Variants in DNM2 observed in about 807,000 individuals in gnomAD.
DNM2 encodes the protein dynamin-2.
Under a neutral mutation model 99.0 loss-of-function variants are expected in DNM2, and 15 were observed. The observed-to-expected ratio is 0.15, with a 90% confidence interval of 0.10 to 0.23. The LOEUF is 0.23. Among genes scored for constraint, DNM2 ranks in the 10% least tolerant of loss-of-function variants. The pLI is 1.00. For synonymous variants in DNM2, 525 were observed against 481.2 expected (o/e 1.09, Z -1.19); for missense variants, 742 against 1,189.4 (o/e 0.62, Z 5.53).
In DNM2 at chr19:10,812,818, C is replaced by T. The variant is rs940357527; in HGVS notation, c.1671+441C>T. 3.9e-5 allele frequency among the ~76,000 whole-genome samples: 6 copies of T among 152,104 alleles called. No individual in the cohort carries two copies. The highest frequency in any genetic ancestry group is 8.8e-5 in the Non-Finnish European group (6 of 68,006). On this transcript the variant is annotated intron_variant, in intron 15 of 20. Coordinates refer to ENST00000389253, the MANE Select transcript of DNM2 (RefSeq NM_001005361.3). This position sits in a 1 kb window ranked among gnomAD's most constrained non-coding sequence, Gnocchi z 4.0. ...AACAAACAAACAAACAAAAAACAAC[C>T]GTAACCCAGGGCTGGAGAGCAGCCA...
intron 15 of DNM2, among the ~76,000 whole-genome samples, chr19:10,813,313 A>G (rs1288153242): frequency 6.6e-6 from 1 of 152,234 alleles, no homozygotes; most frequent in Non-Finnish European, 1.5e-5. Flanking sequence ...GATACTGCCA[A>G]CCGGCCTCTG....
rs761023896 is a variant in DNM2 at position 10,786,701 on chromosome 19, G to A, written c.987G>A (p.Leu329=). Residue 329 remains leucine, a synonymous_variant, in exon 7 of 21, where the codon CTG becomes CTA. Coordinates refer to ENST00000389253, the MANE Select transcript of DNM2 (RefSeq NM_001005361.3). ...PDDPTRKTKA[L]LQMVQQFGVD... ...ACCCCACCCGCAAAACCAAAGCCCT[G>A]CTGCAGTATGTACCCCGGCACCCAC... 6.2e-6 allele frequency: 10 copies of A among 1,614,058 alleles called. No individual in the cohort carries two copies. The highest frequency in any genetic ancestry group is 8.5e-6 in the Non-Finnish European group (10 of 1,180,020).
At position 10,796,727 on chromosome 19, in the gene DNM2, G is replaced by A. The variant is rs1187001235; in HGVS notation, c.1197-653G>A. Among the ~76,000 whole-genome samples, 1 of 152,088 alleles carries A rather than the reference G, an allele frequency of 6.6e-6. No homozygotes were observed. The highest frequency in any genetic ancestry group is 2.4e-5 in the African/African-American group (1 of 41,410). On this transcript the variant is annotated intron_variant, in intron 9 of 20. Coordinates refer to ENST00000389253, the MANE Select transcript of DNM2 (RefSeq NM_001005361.3). The surrounding 1 kb of genome is among the most constrained non-coding windows in gnomAD (Gnocchi z 5.6). ...CCCCTGCCCACCCCCTGCACCCCACGCTGTCCCCCAGGGGCAGCCCATTTT... is the reference window on the plus strand; with the variant it reads ...CCCCTGCCCACCCCCTGCACCCCACACTGTCCCCCAGGGGCAGCCCATTTT...
In DNM2 at chr19:10,811,921, T is replaced by TG. The variant is rs746348936; in HGVS notation, c.1558-342dup. 1.8e-5 allele frequency: 8 copies of TG among 456,316 alleles called. No individual in the cohort carries two copies. Among genetic ancestry groups the TG allele is most frequent in the South Asian group, 1.2e-4 (8 of 64,276 alleles). The allele number at this position is 456,316 out of a possible 1,614,324, so 28.3% of individuals were successfully genotyped here. A position where few individuals can be genotyped will look rare whatever the true frequency, so the allele number is the denominator to read the frequency against. On this transcript the variant is annotated intron_variant, in intron 14 of 20. Coordinates refer to ENST00000389253, the MANE Select transcript of DNM2 (RefSeq NM_001005361.3). The surrounding 1 kb of genome is among the most constrained non-coding windows in gnomAD (Gnocchi z 5.4). ...TGGAACCTTATCTCACGCAAACAAGTGCAGTTCCTCAGATGTCACATTTCA... is the reference window on the plus strand; with the variant it reads ...TGGAACCTTATCTCACGCAAACAAGTGGCAGTTCCTCAGATGTCACATTTCA...
chr19:10,745,240 C>T (rs1168487942), intron 1 of DNM2, among the ~76,000 whole-genome samples: 3 of 152,218 alleles, frequency 2.0e-5, no homozygotes, highest in Non-Finnish European at 2.9e-5. Context: ...GCTCCCCGGA[C>T]TAGCTCCCAA....
rs1489153779 is a variant in DNM2 at position 10,820,951 on chromosome 19, G to A, written c.1781+862G>A. Among the ~76,000 whole-genome samples, 1 of 152,160 alleles carries A rather than the reference G, an allele frequency of 6.6e-6. No individual in the cohort carries two copies. Among genetic ancestry groups the A allele is most frequent in the Non-Finnish European group, 1.5e-5 (1 of 68,032 alleles). ...CAGGAAGAAACCCAGCTGGCAGGAG[G>A]GCTCTTCCCATGCTCACACAATCAC... On this transcript the variant is annotated intron_variant, in intron 16 of 20. Coordinates refer to ENST00000389253, the MANE Select transcript of DNM2 (RefSeq NM_001005361.3). The surrounding 1 kb of genome is among the most constrained non-coding windows in gnomAD (Gnocchi z 4.3).
In DNM2 at chr19:10,818,381, T is replaced by C. The variant is rs2072845359; in HGVS notation, c.1672-1599T>C. Among the ~76,000 whole-genome samples the C allele has an allele frequency of 6.6e-6, 1 of 152,196 alleles. No homozygotes were observed. The highest frequency in any genetic ancestry group is 1.5e-5 in the Non-Finnish European group (1 of 68,036). ...AGCAACCAAAGAAAATCCCGGGTGC[T>C]CATGGGCACCAGCTCTGCAGTGGGC... On this transcript the variant is annotated intron_variant, in intron 15 of 20. Coordinates refer to ENST00000389253, the MANE Select transcript of DNM2 (RefSeq NM_001005361.3). The surrounding 1 kb of genome is among the most constrained non-coding windows in gnomAD (Gnocchi z 4.3).
chr19:10,821,641 C>T (rs947420913), intron 16 of DNM2, among the ~76,000 whole-genome samples: 6 of 152,190 alleles, frequency 3.9e-5, no homozygotes, highest in Non-Finnish European at 8.8e-5. Context: ...AAGCGATTCT[C>T]CTGCCTCAGC....
intron 7 of DNM2, among the ~76,000 whole-genome samples, chr19:10,787,929 C>CAAA (rs879391415): frequency 2.1e-5 from 3 of 141,836 alleles, no homozygotes; most frequent in African/African-American, 7.8e-5. Context: ...ACTCCGTCTC[C>CAAA]AAAAAAAAAA....
intron 2 of DNM2, among the ~76,000 whole-genome samples, chr19:10,770,581 G>A (rs111952503): frequency 6.6e-6 from 1 of 152,068 alleles, no homozygotes; most frequent in Non-Finnish European, 1.5e-5. Context: ...TTTGAGACCG[G>A]GCAATTTACA....
At chr19:10,786,513 C>G (rs2071564722) in intron 6 of DNM2, 51 bp from the exon 7 acceptor site, 1 of 1,612,380 alleles carries the variant, frequency 6.2e-7, no homozygotes, top group African/African-American at 1.3e-5. Context: ...CTGCCACTCC[C>G]TGGTATCCTG....
intron 1 of DNM2, among the ~76,000 whole-genome samples, chr19:10,758,355 C>T (rs868037927): frequency 8.8e-6 from 1 of 114,112 alleles, no homozygotes; most frequent in Non-Finnish European, 1.8e-5. Flanking sequence ...CCTTCCCTCC[C>T]TCCTTCCTTC....
intron 19 of DNM2, 105 bp downstream of exon 19, chr19:10,829,373 G>C: frequency 7.1e-7 from 1 of 1,412,886 alleles, no homozygotes; most frequent in South Asian, 1.2e-5. Flanking sequence ...CAGCCCAAGG[G>C]TGGCACCCAG....
chr19:10,732,068 C>T (rs1003721459), intron 1 of DNM2, among the ~76,000 whole-genome samples: 1 of 151,180 alleles, frequency 6.6e-6, no homozygotes, highest in African/African-American at 2.4e-5. Context: ...GATTCTTCTG[C>T]CTCAGCCTCC....
chr19:10,827,612 C>T (rs1330417649), intron 18 of DNM2, among the ~76,000 whole-genome samples: 1 of 151,924 alleles, frequency 6.6e-6, no homozygotes, highest in African/African-American at 2.4e-5. Flanking sequence ...TGGCTCATGC[C>T]TGTAATCCCA....
At chr19:10,719,277 C>T (rs995540724) in intron 1 of DNM2, among the ~76,000 whole-genome samples, 5 of 152,102 alleles carry the variant, frequency 3.3e-5, no homozygotes, top group African/African-American at 1.2e-4. Flanking sequence ...GAGGTTTGGA[C>T]CCTACTTCCC....
In DNM2 at chr19:10,830,419, C is replaced by G. The variant is rs753937980; in HGVS notation, c.2543+41C>G. 2 of 1,594,608 alleles carry G rather than the reference C, an allele frequency of 1.3e-6. No homozygotes were observed. The highest frequency in any genetic ancestry group is 2.7e-5 in the African/African-American group (2 of 74,786). ...TGCCCTCCACCCCAACTGCCTGCAC[C>G]CTGGGGTCTCTCCTCCTGTCTCACT... is the stretch of plus-strand genomic sequence containing the variant. On this transcript the variant is annotated intron_variant, in intron 20 of 20. Coordinates refer to ENST00000389253, the MANE Select transcript of DNM2 (RefSeq NM_001005361.3). The surrounding 1 kb of genome is among the most constrained non-coding windows in gnomAD (Gnocchi z 4.8).
In DNM2 at chr19:10,802,333, C is replaced by G; in HGVS notation, c.1468C>G (p.His490Asp). The G allele has an allele frequency of 6.2e-7, 1 of 1,614,186 alleles. No individual in the cohort carries two copies. Residue 490 changes from histidine (H) to aspartate (D), a missense_variant, in exon 12 of 21, where the codon CAT becomes GAT. His to Asp is a moderately conservative substitution (Grantham distance 81). Coordinates refer to ENST00000389253, the MANE Select transcript of DNM2 (RefSeq NM_001005361.3). Reference sequence around the variant, plus strand: ...TGAGCAGTCCTACATCAACACGAACCATGAGGACTTCATCGGGTTTGCCAA... The same window carrying G: ...TGAGCAGTCCTACATCAACACGAACGATGAGGACTTCATCGGGTTTGCCAA... ...DIEQSYINTN[H>D]EDFIGFANAQ...
chr19:10,801,715 A>G (rs1255657965), intron 11 of DNM2, among the ~76,000 whole-genome samples: 3 of 151,394 alleles, frequency 2.0e-5, no homozygotes, highest in African/African-American at 7.3e-5. Flanking sequence ...GACCAGCCTG[A>G]CCAACTCAGT....
Sources: gnomAD v4.1 joint callset for allele counts (sites outside exome capture counted in the v4.1 genomes callset) on GRCh38, gnomAD v4.1.1 for gene constraint, Gnocchi (gnomAD v3.1) non-coding constraint, MANE v1.5 for transcripts, NCBI Gene and HGNC (gene_info 2026-07-23, HGNC 2026-07-21) for gene names.